The following TCAIM variants were observed in gnomAD, a reference collection of about 807,000 sequenced individuals.
The protein encoded by TCAIM is T cell activation inhibitor, mitochondrial.
A neutral mutation model predicts 58.6 loss-of-function variants in TCAIM; 36 were observed. The observed-to-expected ratio is 0.61, with a 90% CI of 0.47 to 0.81. TCAIM has a LOEUF of 0.81. Ranked by LOEUF, TCAIM falls within the 30% of genes least tolerant of loss-of-function variation. The pLI is 0.00. For synonymous variants in TCAIM, 172 were observed against 193.6 expected (o/e 0.89, Z 0.93); for missense variants, 466 against 579.6 (o/e 0.80, Z 2.01).
intron 6 of TCAIM, 151 bp from the exon 7 acceptor site, chr3:44,396,249 G>T (rs1259060495): frequency 5.3e-6 from 3 of 564,262 alleles, no homozygotes; most frequent in Non-Finnish European, 8.9e-6. Context: ...AAATTAGCTA[G>T]CTTAGAAACA....
intron 1 of TCAIM, among the ~76,000 whole-genome samples, chr3:44,349,229 G>A (rs1288182946): frequency 6.6e-6 from 1 of 152,058 alleles, no homozygotes; most frequent in Non-Finnish European, 1.5e-5. Flanking sequence ...GATTAGGAAG[G>A]GACCGACGTG....
Position 44,396,791 on chromosome 3 carries a change from A to G in TCAIM, c.842A>G (p.His281Arg). The change falls in exon 8 of 11, where the codon CAT becomes CGT. Residue 281 changes from histidine to arginine, a missense_variant. Transcript: ENST00000342649. ...TDRSGMSAVG[H>R]VMLGTMDVHH... ...CGTTCTGGCATGAGTGCAGTGGGCC[A>G]TGTGATGCTAGGAACAATGGATGTC... The G allele has an allele frequency of 6.2e-7, 1 of 1,614,214 alleles. No individual in the cohort carries two copies. The highest frequency in any genetic ancestry group is 1.3e-5 in the African/African-American group (1 of 75,074).
chr3:44,367,852 A>G, intron 5 of TCAIM, 144 bp downstream of exon 5: 1 of 775,490 alleles, frequency 1.3e-6, no homozygotes. Flanking sequence ...AGGAAAAGTA[A>G]TACTATCAGT....
chr3:44,406,060 C>T (rs572763580), intron 10 of TCAIM, among the ~76,000 whole-genome samples: 8 of 152,192 alleles, frequency 5.3e-5, no homozygotes, highest in East Asian at 3.9e-4. Flanking sequence ...CCCTGGGCAA[C>T]CTTAACAAGG....
At chr3:44,407,354 T>G (rs1266100871) in intron 10 of TCAIM, 88 bp from the exon 11 acceptor site, 1 of 1,132,860 alleles carries the variant, frequency 8.8e-7, no homozygotes, top group East Asian at 2.7e-5. Flanking sequence ...GGCCCCAACA[T>G]GTAAGAATAT....
intron 3 of TCAIM, 143 bp downstream of exon 3, chr3:44,358,019 A>T: frequency 7.3e-7 from 1 of 1,365,938 alleles, no homozygotes; most frequent in Non-Finnish European, 9.7e-7. Flanking sequence ...TGAAATGTAG[A>T]TACTGAAAAT....
chr3:44,380,274 G>C (rs1450931273), intron 5 of TCAIM, among the ~76,000 whole-genome samples: 1 of 151,976 alleles, frequency 6.6e-6, no homozygotes, highest in East Asian at 1.9e-4. Context: ...AGCTAGAAGA[G>C]AATAATTGGA....
intron 5 of TCAIM, among the ~76,000 whole-genome samples, chr3:44,379,438 T>C (rs1325697532): frequency 6.6e-6 from 1 of 152,206 alleles, no homozygotes; most frequent in African/African-American, 2.4e-5. Flanking sequence ...ATTGCAGCAC[T>C]GTTCACAATA....
chr3:44,396,583 C>T, intron 7 of TCAIM, 86 bp downstream of exon 7: 3 of 1,449,854 alleles, frequency 2.1e-6, no homozygotes, highest in Non-Finnish European at 2.8e-6. Flanking sequence ...ATAACTTTAT[C>T]ACAGCTGAAC....
In TCAIM at chr3:44,340,504, A is replaced by T. The variant is rs183747180; in HGVS notation, c.-45+1670A>T. 50 of 152,376 alleles carry T rather than the reference A, an allele frequency of 3.3e-4. 2 individuals are homozygous for T. The highest frequency in any genetic ancestry group is 3.1e-3 in the Admixed American group (47 of 15,310). The allele number at this position is 152,376 out of a possible 1,614,324, so 9.4% of individuals were successfully genotyped here. Reference sequence around the variant, plus strand: ...TTAATCTGAAAAGTACATAAACCATACAGGAAACAAAGAACTAATTCAAGC... The same window carrying T: ...TTAATCTGAAAAGTACATAAACCATTCAGGAAACAAAGAACTAATTCAAGC... On this transcript the variant is annotated intron_variant, in intron 1 of 10. Coordinates refer to ENST00000342649, the MANE Select transcript of TCAIM (RefSeq NM_173826.4).
chr3:44,355,766 G>C (rs1471053794), intron 2 of TCAIM, among the ~76,000 whole-genome samples: 1 of 152,216 alleles, frequency 6.6e-6, no homozygotes, highest in East Asian at 1.9e-4. Context: ...CCTGGATTGA[G>C]TTGCTAACTG....
chr3:44,397,131 T>G (rs1007625770), intron 8 of TCAIM, among the ~76,000 whole-genome samples: 1 of 152,218 alleles, frequency 6.6e-6, no homozygotes, highest in African/African-American at 2.4e-5. Flanking sequence ...TTAACAGATT[T>G]ATTGAGGTAT....
At chr3:44,405,688 G>GC (rs577795040) in intron 10 of TCAIM, among the ~76,000 whole-genome samples, 140 of 151,530 alleles carry the variant, frequency 9.2e-4, no homozygotes, top group African/African-American at 3.2e-3. Flanking sequence ...AGGCACAGTG[G>GC]CTCACACCTG....
At chr3:44,342,423 C>G (rs982396648) in intron 1 of TCAIM, among the ~76,000 whole-genome samples, 6 of 152,086 alleles carry the variant, frequency 3.9e-5, no homozygotes, top group Admixed American at 2.0e-4. Flanking sequence ...TATAAGAGCC[C>G]TAACAAAAAC....
At chr3:44,342,858 T>C (rs1030348486) in intron 1 of TCAIM, among the ~76,000 whole-genome samples, 1 of 152,208 alleles carries the variant, frequency 6.6e-6, no homozygotes, top group East Asian at 1.9e-4. Context: ...ATTTTAAGGC[T>C]GGACACAGTG....
intron 5 of TCAIM, among the ~76,000 whole-genome samples, chr3:44,373,686 C>T (rs1701518960): frequency 6.6e-6 from 1 of 151,588 alleles, no homozygotes; most frequent in Non-Finnish European, 1.5e-5. Context: ...AATTTTAATA[C>T]GTAAGTAGTT....
At chr3:44,378,964 C>T (rs1280358805) in intron 5 of TCAIM, among the ~76,000 whole-genome samples, 1 of 151,674 alleles carries the variant, frequency 6.6e-6, no homozygotes, top group East Asian at 1.9e-4. Context: ...TTTAAGACCA[C>T]CCTGGGCAAC....
At chr3:44,382,445 A>G (rs1187437055) in intron 5 of TCAIM, among the ~76,000 whole-genome samples, 1 of 152,238 alleles carries the variant, frequency 6.6e-6, no homozygotes, top group Non-Finnish European at 1.5e-5. Flanking sequence ...ACAGCAGTAA[A>G]TACTTGCATA....
chr3:44,394,143 G>A (rs2125652584), intron 6 of TCAIM, among the ~76,000 whole-genome samples: 1 of 152,154 alleles, frequency 6.6e-6, no homozygotes, highest in East Asian at 1.9e-4. Flanking sequence ...AATGACTTGG[G>A]TACCATAAAA....
Sources: allele counts gnomAD v4.1 joint callset (sites outside exome capture counted in the v4.1 genomes callset), GRCh38; gene constraint gnomAD v4.1.1; transcripts MANE v1.5; gene names NCBI Gene and HGNC (gene_info 2026-07-23, HGNC 2026-07-21).